NMNAT2: variants seen among roughly 807,000 people sequenced by gnomAD.
The protein encoded by NMNAT2 is nicotinamide/nicotinic acid mononucleotide adenylyltransferase 2.
A neutral mutation model predicts 41.6 loss-of-function variants in NMNAT2; 11 were observed. That is an observed-to-expected ratio of 0.26 (90% CI 0.17 to 0.44). NMNAT2 has a LOEUF of 0.44. NMNAT2 is among the 20% of genes least tolerant of loss of function. The pLI is 1.00. For synonymous variants in NMNAT2, 148 were observed against 151.2 expected, an observed-to-expected ratio of 0.98 and a Z score of 0.16; for missense variants, 288 against 407.7, an observed-to-expected ratio of 0.71 and a Z score of 2.53.
intron 1 of NMNAT2, among the ~76,000 whole-genome samples, chr1:183,306,593 C>G (rs1434704680): frequency 6.6e-6 from 1 of 152,086 alleles, no homozygotes; most frequent in African/African-American, 2.4e-5. Flanking sequence ...TGAAAACGTA[C>G]CATGTGTGAG....
intron 8 of NMNAT2, among the ~76,000 whole-genome samples, chr1:183,263,054 GTGTT>G (rs1660704660): frequency 6.6e-6 from 1 of 152,202 alleles, no homozygotes; most frequent in Non-Finnish European, 1.5e-5. Flanking sequence ...TTTTGTGTGT[GTGTT>G]TGTGTGTGCA....
At chr1:183,398,374 A>T (rs1571638671) in intron 1 of NMNAT2, among the ~76,000 whole-genome samples, 1 of 152,228 alleles carries the variant, frequency 6.6e-6, no homozygotes, top group East Asian at 1.9e-4. Flanking sequence ...TCCTAAATAT[A>T]TATGCACCCA....
intron 1 of NMNAT2, among the ~76,000 whole-genome samples, chr1:183,320,331 G>C (rs765052452): frequency 6.6e-6 from 1 of 152,174 alleles, no homozygotes; most frequent in Non-Finnish European, 1.5e-5. Flanking sequence ...GGCCAGGCAC[G>C]GTGGCTCACG....
chr1:183,366,721 A>T (rs1260837470), intron 1 of NMNAT2, among the ~76,000 whole-genome samples: 1 of 152,188 alleles, frequency 6.6e-6, no homozygotes, highest in South Asian at 2.1e-4. Flanking sequence ...ACTGAGGGAC[A>T]TTTAAGAAGC....
chr1:183,269,297 T>C (rs753171765), intron 8 of NMNAT2, among the ~76,000 whole-genome samples: 3 of 152,154 alleles, frequency 2.0e-5, no homozygotes, highest in Admixed American at 1.3e-4. Context: ...GTTGGAAAAG[T>C]AGACAAGTAC....
intron 1 of NMNAT2, among the ~76,000 whole-genome samples, chr1:183,300,222 T>G (rs1340102823): frequency 6.6e-6 from 1 of 152,012 alleles, no homozygotes; most frequent in Non-Finnish European, 1.5e-5. Flanking sequence ...GCCAATATGG[T>G]GAAACCCCGT....
intron 1 of NMNAT2, among the ~76,000 whole-genome samples, chr1:183,348,782 T>G (rs1662986479): frequency 6.6e-6 from 1 of 152,322 alleles, no homozygotes; most frequent in South Asian, 2.1e-4. Context: ...GATCTTGTGT[T>G]TTGGCGAGAT....
At position 183,248,796 on chromosome 1, in the gene NMNAT2, T is replaced by A. The variant is rs543993836; in HGVS notation, c.*3845A>T. On this transcript the variant is annotated 3_prime_UTR_variant, in exon 11 of 11. Coordinates refer to ENST00000287713, the MANE Select transcript of NMNAT2 (RefSeq NM_015039.4). ...CTGCAGTAGGTAGCCTTGGGAGAGATCCTGAGCTTTTCATATTCTACCGTT... is the reference window on the plus strand; with the variant it reads ...CTGCAGTAGGTAGCCTTGGGAGAGAACCTGAGCTTTTCATATTCTACCGTT... The A allele has an allele frequency of 6.6e-6, 1 of 152,238 alleles. No individual in the cohort carries two copies. Among genetic ancestry groups the A allele is most frequent in the East Asian group, 1.9e-4 (1 of 5,188 alleles). 9.4% of individuals were successfully genotyped at this position (152,238 alleles called of 1,614,324 possible). A position where few individuals can be genotyped will look rare whatever the true frequency, so the allele number is the denominator to read the frequency against.
chr1:183,333,525 G>A (rs999535471), intron 1 of NMNAT2, among the ~76,000 whole-genome samples: 1 of 152,134 alleles, frequency 6.6e-6, no homozygotes, highest in Non-Finnish European at 1.5e-5. Context: ...GAGTAATGTG[G>A]GGCCATGAGC....
rs557044270 is a variant in NMNAT2, at chr1:183,414,621, AT to A, written c.85+3561del. Reference sequence around the variant, plus strand: ...AAAACTTTTACTCATCCCTGAAAGCATTTTAGTTACAGTTGAGTATACAAGT... The same window carrying A: ...AAAACTTTTACTCATCCCTGAAAGCATTTAGTTACAGTTGAGTATACAAGT... On this transcript the variant is annotated intron_variant, in intron 1 of 10. Coordinates refer to ENST00000287713, the MANE Select transcript of NMNAT2 (RefSeq NM_015039.4). 1.1e-4 allele frequency among the ~76,000 whole-genome samples: 16 copies of A among 152,354 alleles called. No individual in the cohort carries two copies. In the South Asian group the frequency reaches 1.9e-3, roughly 18 times the overall value.
At chr1:183,348,927 GAT>G (rs1434420790) in intron 1 of NMNAT2, among the ~76,000 whole-genome samples, 1 of 152,182 alleles carries the variant, frequency 6.6e-6, no homozygotes, top group Non-Finnish European at 1.5e-5. Flanking sequence ...GCTTAGGAGA[GAT>G]ATGGCACCAG....
At chr1:183,276,807 G>C (rs1006901844) in intron 8 of NMNAT2, among the ~76,000 whole-genome samples, 1 of 152,220 alleles carries the variant, frequency 6.6e-6, no homozygotes, top group African/African-American at 2.4e-5. Context: ...ATAGCTCCTT[G>C]TGAATTAGCC....
intron 1 of NMNAT2, among the ~76,000 whole-genome samples, chr1:183,359,704 G>A (rs544736156): frequency 2.0e-5 from 3 of 152,224 alleles, no homozygotes; most frequent in Admixed American, 2.0e-4. Flanking sequence ...TTGCTCCCAT[G>A]CCCAGATCTG....
intron 1 of NMNAT2, among the ~76,000 whole-genome samples, chr1:183,392,325 T>C (rs1036999187): frequency 5.9e-5 from 9 of 152,128 alleles, no homozygotes; most frequent in Non-Finnish European, 1.0e-4. Context: ...CAACAGCAAA[T>C]CCACCTACAA....
Position 183,281,743 on chromosome 1 carries a change from A to G in NMNAT2, c.574+2252T>C, listed in dbSNP as rs1214161706. Among the ~76,000 whole-genome samples the G allele has an allele frequency of 3.3e-5, 5 of 152,216 alleles. No homozygotes were observed. In the East Asian group the frequency reaches 9.6e-4, roughly 29 times the overall value. On this transcript the variant is annotated intron_variant, in intron 7 of 10. Transcript: ENST00000287713. ...CTGTGGTCTAGGGCAGCCCTGGAGG[A>G]GCAGTCAGCTGTTAGGAGCATGTAA...
intron 1 of NMNAT2, among the ~76,000 whole-genome samples, chr1:183,407,190 G>T (rs1213633322): frequency 6.6e-6 from 1 of 152,142 alleles, no homozygotes; most frequent in Admixed American, 6.5e-5. Flanking sequence ...CCCGCCTGAA[G>T]TGTCCAGTGG....
At chr1:183,417,516 T>C (rs938111693) in intron 1 of NMNAT2, among the ~76,000 whole-genome samples, 1 of 151,992 alleles carries the variant, frequency 6.6e-6, no homozygotes, top group Non-Finnish European at 1.5e-5. Flanking sequence ...CCCCTCCCCG[T>C]CCTAGGCAGC....
chr1:183,327,053 TG>T (rs1407584793), intron 1 of NMNAT2, among the ~76,000 whole-genome samples: 74 of 145,542 alleles, frequency 5.1e-4, no homozygotes, highest in East Asian at 2.6e-3. Flanking sequence ...TATGTATGTA[TG>T]TATGTATTTA....
chr1:183,395,230 C>T (rs538589056), intron 1 of NMNAT2, among the ~76,000 whole-genome samples: 2 of 152,148 alleles, frequency 1.3e-5, no homozygotes, highest in African/African-American at 2.4e-5. Flanking sequence ...CTACATCTGA[C>T]CAGAGTTTAA....
Sources: allele counts gnomAD v4.1 joint callset (sites outside exome capture counted in the v4.1 genomes callset), GRCh38; gene constraint gnomAD v4.1.1; transcripts MANE v1.5; gene names NCBI Gene and HGNC (gene_info 2026-07-23, HGNC 2026-07-21).